The following CSMD3 variants were observed in gnomAD, a reference collection of about 807,000 sequenced individuals.
CSMD3 encodes the protein CUB and Sushi multiple domains 3, also known as CUB and sushi domain-containing protein 3.
Under a neutral mutation model 435.2 loss-of-function variants are expected in CSMD3, and 177 were observed. That is an observed-to-expected ratio of 0.41 (90% CI 0.36 to 0.46). The LOEUF (loss-of-function observed/expected upper bound fraction) is 0.46. Among genes scored for constraint, CSMD3 ranks in the 20% least tolerant of loss-of-function variants. The pLI is 0.34. For synonymous variants in CSMD3, 1,656 were observed against 1,520.5 expected (o/e 1.09, Z -2.07); for missense variants, 4,265 against 4,504.6 (o/e 0.95, Z 1.52).
At chr8:112,860,048 C>T (rs1274885737) in intron 10 of CSMD3, among the ~76,000 whole-genome samples, 1 of 151,752 alleles carries the variant, frequency 6.6e-6, no homozygotes, top group African/African-American at 2.4e-5. Context: ...TTCATATGCA[C>T]TTAAATCTGT....
rs749621730 is a variant in CSMD3 at position 113,436,729 on chromosome 8, A to G, written c.126T>C (p.Ser42=). The G allele has an allele frequency of 6.2e-7, 1 of 1,614,172 alleles. No homozygotes were observed. The part of the protein sequence containing the change: ...FILMKKMGIK[S]GFTFWNLVFL... ...AGACGAGGTTCCAAAACGTAAATCC[A>G]CTTTTAATCCCCATTTTCTTCATCA... The change falls in exon 1 of 71, where the codon AGT becomes AGC. Residue 42 remains serine, a synonymous_variant. Transcript: ENST00000297405.
Position 112,473,492 on chromosome 8 carries a change from G to A in CSMD3, c.5279-785C>T, listed in dbSNP as rs537564642. ...TAGAATGAGAAAAGATGGGCAAAGA[G>A]GAGGTTCTAGGAGACACCAAAGGTT... On this transcript the variant is annotated intron_variant, in intron 31 of 70. Coordinates refer to ENST00000297405, the MANE Select transcript of CSMD3 (RefSeq NM_198123.2). Among the ~76,000 whole-genome samples, 231 of 152,274 alleles carry A rather than the reference G, an allele frequency of 1.5e-3. 1 individual carries two copies. Among genetic ancestry groups the A allele is most frequent in the African/African-American group, 4.2e-3 (174 of 41,562 alleles).
chr8:113,033,741 A>G (rs1435637256), intron 5 of CSMD3, among the ~76,000 whole-genome samples: 1 of 151,338 alleles, frequency 6.6e-6, no homozygotes, highest in African/African-American at 2.4e-5. Flanking sequence ...TGGTTTTGAA[A>G]TGTGAAAAGT....
intron 56 of CSMD3, among the ~76,000 whole-genome samples, chr8:112,290,346 T>C (rs1283298297): frequency 6.6e-6 from 1 of 151,858 alleles, no homozygotes; most frequent in African/African-American, 2.4e-5. Context: ...CTATAGGAAA[T>C]GATAAGTCAA....
intron 24 of CSMD3, among the ~76,000 whole-genome samples, chr8:112,557,655 A>T (rs763867504): frequency 3.3e-5 from 5 of 151,844 alleles, no homozygotes; most frequent in Non-Finnish European, 5.9e-5. Flanking sequence ...AGATTCATGA[A>T]CACCTCCACA....
intron 3 of CSMD3, among the ~76,000 whole-genome samples, chr8:113,260,579 G>T (rs1466653524): frequency 6.6e-6 from 1 of 151,992 alleles, no homozygotes; most frequent in Non-Finnish European, 1.5e-5. Flanking sequence ...ATGTTAACTT[G>T]TTAACTCTCA....
chr8:113,192,585 C>T (rs776427329), intron 3 of CSMD3, among the ~76,000 whole-genome samples: 19 of 151,460 alleles, frequency 1.3e-4, no homozygotes, highest in Non-Finnish European at 2.7e-4. Context: ...TTTCTATTTC[C>T]TATATCTCTG....
intron 1 of CSMD3, among the ~76,000 whole-genome samples, chr8:113,373,196 T>C (rs1001542513): frequency 1.3e-5 from 2 of 151,678 alleles, no homozygotes; most frequent in African/African-American, 4.9e-5. Context: ...ACACAGATGG[T>C]ATTCCTATAT....
At chr8:112,777,449 T>G (rs891744905) in intron 13 of CSMD3, among the ~76,000 whole-genome samples, 1 of 151,846 alleles carries the variant, frequency 6.6e-6, no homozygotes, top group South Asian at 2.1e-4. Flanking sequence ...TATTAGTTGT[T>G]GATGATATTA....
intron 2 of CSMD3, among the ~76,000 whole-genome samples, chr8:113,295,375 C>A (rs191696332): frequency 7.2e-5 from 11 of 151,972 alleles, no homozygotes; most frequent in Non-Finnish European, 1.3e-4. Flanking sequence ...ATTGCCACCA[C>A]AATTTACATA....
intron 1 of CSMD3, among the ~76,000 whole-genome samples, chr8:113,360,869 G>C (rs1028090376): frequency 3.9e-5 from 6 of 152,074 alleles, no homozygotes; most frequent in African/African-American, 1.4e-4. Context: ...CACCGCGCCC[G>C]GCCGTGACTT....
intron 2 of CSMD3, among the ~76,000 whole-genome samples, chr8:113,295,319 T>G (rs2093712645): frequency 1.3e-5 from 2 of 152,182 alleles, no homozygotes; most frequent in African/African-American, 2.4e-5. Context: ...AAAAGAGGTT[T>G]TTTTTCTGAC....
chr8:112,633,830 C>A (rs1476244585), intron 22 of CSMD3, among the ~76,000 whole-genome samples: 1 of 151,962 alleles, frequency 6.6e-6, no homozygotes, highest in Non-Finnish European at 1.5e-5. Context: ...TATATACACA[C>A]AAATCGCTTT....
intron 4 of CSMD3, among the ~76,000 whole-genome samples, chr8:113,133,094 T>A (rs576125532): frequency 2.0e-5 from 3 of 152,230 alleles, no homozygotes; most frequent in African/African-American, 7.2e-5. Context: ...TTAAAAATGT[T>A]TGTGAATCAA....
intron 7 of CSMD3, among the ~76,000 whole-genome samples, chr8:112,956,693 C>A (rs1587758423): frequency 6.6e-6 from 1 of 152,074 alleles, no homozygotes; most frequent in South Asian, 2.1e-4. Context: ...TAATAAGTTA[C>A]TAATATTGGG....
At chr8:112,296,429 T>C (rs567671519) in intron 53 of CSMD3, among the ~76,000 whole-genome samples, 1 of 152,046 alleles carries the variant, frequency 6.6e-6, no homozygotes, top group East Asian at 1.9e-4. Context: ...CAGGCGCCTG[T>C]AGTCCCAGCT....
chr8:112,529,320 C>A (rs540866206), intron 27 of CSMD3, among the ~76,000 whole-genome samples: 3 of 152,208 alleles, frequency 2.0e-5, no homozygotes, highest in South Asian at 2.1e-4. Context: ...ACAGTTAATG[C>A]GGTACAGTGG....
At chr8:112,646,674 T>C (rs2074989074) in intron 19 of CSMD3, among the ~76,000 whole-genome samples, 1 of 152,170 alleles carries the variant, frequency 6.6e-6, no homozygotes, top group Non-Finnish European at 1.5e-5. Flanking sequence ...TTCGTACTAT[T>C]ACTTTGACTA....
At chr8:113,196,193 C>A (rs1219289574) in intron 3 of CSMD3, among the ~76,000 whole-genome samples, 2 of 150,052 alleles carry the variant, frequency 1.3e-5, no homozygotes, top group Admixed American at 6.7e-5. Context: ...TTATTTTTTT[C>A]TTTTTATAGA....
Sources: gnomAD v4.1 joint callset for allele counts (sites outside exome capture counted in the v4.1 genomes callset) on GRCh38, gnomAD v4.1.1 for gene constraint, MANE v1.5 for transcripts, NCBI Gene and HGNC (gene_info 2026-07-23, HGNC 2026-07-21) for gene names.